The following CNTNAP2 variants were observed in gnomAD, a reference collection of about 807,000 sequenced individuals.
The protein encoded by CNTNAP2 is contactin associated protein 2.
In CNTNAP2, 98 loss-of-function variants were observed where a neutral mutation model predicts 155.2. That is an observed-to-expected ratio of 0.63 (90% CI 0.54 to 0.75). CNTNAP2 has a LOEUF of 0.75. CNTNAP2 is among the 30% of genes least tolerant of loss of function. The probability of loss-of-function intolerance (pLI) is 0.00; values close to 1 mark genes in which losing one functional copy is unlikely to be tolerated. For missense variants in CNTNAP2, 1,727 were observed against 1,688.1 expected (o/e 1.02, Z -0.40); for synonymous variants, 651 against 631.2 (o/e 1.03, Z -0.47).
chr7:146,509,001 C>T (rs1341632634), intron 1 of CNTNAP2, among the ~76,000 whole-genome samples: 2 of 152,154 alleles, frequency 1.3e-5, no homozygotes, highest in Non-Finnish European at 2.9e-5. Flanking sequence ...GTAGTCACCT[C>T]ATGTATGCAG....
At chr7:146,137,261 T>A (rs1797810864) in intron 1 of CNTNAP2, among the ~76,000 whole-genome samples, 1 of 152,168 alleles carries the variant, frequency 6.6e-6, no homozygotes, top group African/African-American at 2.4e-5. Flanking sequence ...ATAAAGTGAA[T>A]ATTTTTCAAT....
chr7:147,072,219 C>A (rs1301151376), intron 4 of CNTNAP2, among the ~76,000 whole-genome samples: 1 of 151,894 alleles, frequency 6.6e-6, no homozygotes, highest in Non-Finnish European at 1.5e-5. Context: ...AAAGACAAGG[C>A]TGGTGTGGCT....
At chr7:147,111,926 A>T (rs1292046120) in intron 5 of CNTNAP2, among the ~76,000 whole-genome samples, 1 of 152,164 alleles carries the variant, frequency 6.6e-6, no homozygotes, top group Non-Finnish European at 1.5e-5. Context: ...GTTTAATGGG[A>T]ATAGTATTGA....
intron 1 of CNTNAP2, among the ~76,000 whole-genome samples, chr7:146,231,122 T>C (rs1352967711): frequency 1.3e-5 from 2 of 152,172 alleles, no homozygotes; most frequent in Non-Finnish European, 2.9e-5. Flanking sequence ...TGGCAGCTAG[T>C]GAGTCCTTTA....
At chr7:146,286,091 ACT>A (rs1430941373) in intron 1 of CNTNAP2, among the ~76,000 whole-genome samples, 4 of 104,900 alleles carry the variant, frequency 3.8e-5, no homozygotes, top group South Asian at 3.2e-4. Context: ...TATAGGGGGG[ACT>A]CTCTGGTTCA....
In CNTNAP2 at chr7:147,609,346, A is replaced by G. The variant is rs535775261; in HGVS notation, c.1898-29760A>G. ...GGAGATTGAGAGCATCCTGGCTAAC[A>G]TGGTGAAACCCCGTCTCCACTAAAA... On this transcript the variant is annotated intron_variant, in intron 12 of 23. Transcript: ENST00000361727. 5.3e-5 allele frequency among the ~76,000 whole-genome samples: 8 copies of G among 152,238 alleles called. No homozygotes were observed. In the East Asian group the frequency reaches 1.2e-3, roughly 22 times the overall value.
At chr7:146,719,524 C>T (rs937810987) in intron 1 of CNTNAP2, among the ~76,000 whole-genome samples, 2 of 152,114 alleles carry the variant, frequency 1.3e-5, no homozygotes, top group Non-Finnish European at 2.9e-5. Flanking sequence ...AACAGACAAA[C>T]CACTTCAGCA....
intron 9 of CNTNAP2, among the ~76,000 whole-genome samples, chr7:147,346,188 T>C (rs826806): frequency 0.78 from 114,048 of 146,246 alleles, 44,949 homozygotes; most frequent in African/African-American, 0.88. Flanking sequence ...CGCTCTGTCG[T>C]CCAGGCCGGA....
chr7:146,742,067 TAAAAA>T (rs11397176), intron 1 of CNTNAP2, among the ~76,000 whole-genome samples: 20 of 146,718 alleles, frequency 1.4e-4, no homozygotes, highest in African/African-American at 4.5e-4. Flanking sequence ...TAGACTGTGT[TAAAAA>T]AAAAAAAAGA....
chr7:147,780,074 A>G (rs1563086411), intron 13 of CNTNAP2, among the ~76,000 whole-genome samples: 1 of 152,182 alleles, frequency 6.6e-6, no homozygotes, highest in Non-Finnish European at 1.5e-5. Context: ...TTTGGCATGT[A>G]CAATTATTTA....
chr7:147,038,088 A>G (rs1337775801), intron 3 of CNTNAP2, among the ~76,000 whole-genome samples: 2 of 152,140 alleles, frequency 1.3e-5, no homozygotes, highest in Non-Finnish European at 2.9e-5. Context: ...ACAGGAATTC[A>G]AGGGTTACAG....
rs139888897 is a variant in CNTNAP2, at chr7:146,541,220, G to A, written c.98-233051G>A. On this transcript the variant is annotated intron_variant, in intron 1 of 23. Transcript: ENST00000361727. ...TTGATCCAGTAATTGCCATGTCAAG[G>A]GTTTTGGTGAGAGAAGTATTCTAAA... 7.9e-5 allele frequency among the ~76,000 whole-genome samples: 12 copies of A among 152,038 alleles called. No homozygotes were observed. In the East Asian group the frequency reaches 1.9e-3, roughly 25 times the overall value.
At chr7:147,943,014 G>A (rs113612440) in intron 14 of CNTNAP2, among the ~76,000 whole-genome samples, 6,470 of 151,606 alleles carry the variant, frequency 0.043, 465 homozygotes, top group African/African-American at 0.15. Context: ...ACCAGCCTGG[G>A]CGACAAAGCG....
At chr7:146,866,089 G>A (rs1795199297) in intron 3 of CNTNAP2, among the ~76,000 whole-genome samples, 1 of 151,960 alleles carries the variant, frequency 6.6e-6, no homozygotes, top group South Asian at 2.1e-4. Flanking sequence ...TTTACCTACT[G>A]AATTCAGTGC....
intron 15 of CNTNAP2, among the ~76,000 whole-genome samples, chr7:148,066,870 T>C (rs1803276038): frequency 6.6e-6 from 1 of 152,196 alleles, no homozygotes. Context: ...CTGAAGTTCT[T>C]TCTTCTACTT....
intron 1 of CNTNAP2, among the ~76,000 whole-genome samples, chr7:146,768,795 A>G (rs908643101): frequency 5.3e-5 from 8 of 152,202 alleles, no homozygotes; most frequent in Admixed American, 2.0e-4. Context: ...CAAATGGGTC[A>G]TATAAAACAT....
chr7:146,547,922 T>G (rs1159578631), intron 1 of CNTNAP2, among the ~76,000 whole-genome samples: 3 of 151,788 alleles, frequency 2.0e-5, no homozygotes, highest in African/African-American at 7.3e-5. Context: ...ATACCATGCA[T>G]GGGCTCCATA....
intron 21 of CNTNAP2, among the ~76,000 whole-genome samples, chr7:148,363,274 C>G (rs140228835): frequency 2.0e-5 from 3 of 152,216 alleles, no homozygotes; most frequent in Non-Finnish European, 2.9e-5. Context: ...TGAGCCACCA[C>G]GCACGGCCTC....
At chr7:147,101,339 T>A (rs1048614970) in intron 4 of CNTNAP2, among the ~76,000 whole-genome samples, 7 of 152,084 alleles carry the variant, frequency 4.6e-5, no homozygotes, top group African/African-American at 1.7e-4. Flanking sequence ...GCAACAAGGG[T>A]GTGGCTCCAT....
Sources: gnomAD v4.1 joint callset for allele counts (sites outside exome capture counted in the v4.1 genomes callset) on GRCh38, gnomAD v4.1.1 for gene constraint, MANE v1.5 for transcripts, NCBI Gene and HGNC (gene_info 2026-07-23, HGNC 2026-07-21) for gene names.